The following TAGLN3 variants were observed in gnomAD, a reference collection of about 807,000 sequenced individuals.
TAGLN3 encodes transgelin 3, also known as transgelin-3.
TAGLN3 carries 12 observed loss-of-function variants against 25.4 expected under a neutral mutation model. The ratio of observed to expected loss-of-function variants is 0.47; its 90% CI spans 0.30 to 0.77. The LOEUF (loss-of-function observed/expected upper bound fraction) is 0.77, where lower values mean the gene tolerates loss of function less well. Ranked by LOEUF, TAGLN3 falls within the 30% of genes least tolerant of loss-of-function variation. The pLI is 0.06. For missense variants in TAGLN3, 218 were observed against 255.8 expected, an observed-to-expected ratio of 0.85 and a Z score of 1.01; for synonymous variants, 96 against 94.8, an observed-to-expected ratio of 1.01 and a Z score of -0.08.
At chr3:111,999,304 C>T in intron 1 of TAGLN3, 117 bp from the exon 2 acceptor site, 1 of 1,209,970 alleles carries the variant, frequency 8.3e-7, no homozygotes, top group African/African-American at 1.5e-5. Flanking sequence ...GCTTTCTGCC[C>T]TCTTTGCTGC....
chr3:111,999,346 C>G lies in TAGLN3; in HGVS notation c.-2-75C>G, dbSNP rs1035748982. The G allele has an allele frequency of 1.9e-6, 3 of 1,538,980 alleles. No individual in the cohort carries two copies. The East Asian group carries it at 6.9e-5, about 35-fold the overall frequency. On this transcript the variant is annotated intron_variant, in intron 1 of 4. Transcript: ENST00000478951. ...GCCAGGTTGCCCAGCCATATCCCAG[C>G]CCCGTCTGCAGGGAGCCGGAGGCTG... is the stretch of plus-strand genomic sequence containing the variant.
chr3:112,003,380 G>A (rs1007296903), intron 3 of TAGLN3, among the ~76,000 whole-genome samples: 3 of 152,164 alleles, frequency 2.0e-5, no homozygotes, highest in African/African-American at 7.2e-5. Flanking sequence ...AGAGGGAGGG[G>A]AAGGCTGACA....
chr3:112,004,516 C>T (rs2072895828), intron 3 of TAGLN3, among the ~76,000 whole-genome samples: 1 of 152,152 alleles, frequency 6.6e-6, no homozygotes, highest in African/African-American at 2.4e-5. Flanking sequence ...GTACAGGCTC[C>T]TGAGTCAGAA....
intron 2 of TAGLN3, among the ~76,000 whole-genome samples, chr3:112,000,248 C>G (rs938010303): frequency 6.6e-6 from 1 of 151,914 alleles, no homozygotes; most frequent in Non-Finnish European, 1.5e-5. Context: ...TTGCCCAGAG[C>G]TTGGGTTATA....
chr3:112,010,557 T>G (rs972035207), intron 3 of TAGLN3, among the ~76,000 whole-genome samples: 6 of 152,224 alleles, frequency 3.9e-5, no homozygotes, highest in African/African-American at 1.2e-4. Flanking sequence ...GTGTTTCTTC[T>G]TAGTTCTGAA....
chr3:112,000,990 C>T lies in TAGLN3; in HGVS notation c.355+44C>T, dbSNP rs368118748. 1.0e-5 allele frequency: 16 copies of T among 1,573,352 alleles called. No homozygotes were observed. In the African/African-American group the frequency reaches 1.8e-4, roughly 17 times the overall value. On this transcript the variant is annotated intron_variant, in intron 3 of 4. Transcript: ENST00000478951. ...TTTGGGATTGTTCTTTTCTTCTCTC[C>T]TTTGCCCCATCTCCTTGTAAAAACT...
At chr3:112,003,569 C>G (rs990996933) in intron 3 of TAGLN3, among the ~76,000 whole-genome samples, 1 of 152,184 alleles carries the variant, frequency 6.6e-6, no homozygotes, top group East Asian at 1.9e-4. Context: ...AGCTATTAGA[C>G]TAGCTGTTTG....
chr3:111,999,567 A>C lies in TAGLN3; in HGVS notation c.145A>C (p.Arg49=). 6.2e-7 allele frequency: 1 copy of C among 1,614,128 alleles called. No individual in the cohort carries two copies. The highest frequency in any genetic ancestry group is 8.5e-7 in the Non-Finnish European group (1 of 1,179,996). ...AEDIEHPPPG[R]AHFQKWLMDG... ...GGACATAGAGCACCCGCCCCCCGGC[A>C]GGGCCCATTTTCAGAAATGGTTAAT... Residue 49 remains arginine, a synonymous_variant, in exon 2 of 5, where the codon AGG becomes CGG. Transcript: ENST00000478951.
rs146501663 is a variant in TAGLN3 at position 112,007,351 on chromosome 3, C to T, written c.356-4412C>T. 5.3e-5 allele frequency among the ~76,000 whole-genome samples: 8 copies of T among 152,292 alleles called. No individual in the cohort carries two copies. The East Asian group carries it at 9.6e-4, about 18-fold the overall frequency. On this transcript the variant is annotated intron_variant, in intron 3 of 4. Coordinates refer to ENST00000478951, the MANE Select transcript of TAGLN3 (RefSeq NM_001008272.2). ...GTATAATGACGCATATTCATCATTG[C>T]GGTGTCATATCAAGTACTGCCCTAA...
At chr3:112,003,616 C>T (rs1228511735) in intron 3 of TAGLN3, among the ~76,000 whole-genome samples, 1 of 152,192 alleles carries the variant, frequency 6.6e-6, no homozygotes, top group Admixed American at 6.5e-5. Context: ...CTATTCTCTA[C>T]CTTGACTGTG....
In TAGLN3 at chr3:111,999,602, G is replaced by T; in HGVS notation, c.180G>T (p.Thr60=). The change falls in exon 2 of 5, where the codon ACG becomes ACT. Residue 60 remains threonine (T), a splice_region_variant and synonymous_variant. Transcript: ENST00000478951. ...TTCAGAAATGGTTAATGGACGGGAC[G>T]GTAAGGCCGGCAGCGATCTCGGTTG... ...AHFQKWLMDG[T]VLCKLINSLY... 6.2e-7 allele frequency: 1 copy of T among 1,612,508 alleles called. No individual in the cohort carries two copies. Among genetic ancestry groups the T allele is most frequent in the Non-Finnish European group, 8.5e-7 (1 of 1,178,854 alleles).
rs778714864 is a variant in TAGLN3, at chr3:112,013,422, G to A, written c.471G>A (p.Gln157=). The A allele has an allele frequency of 6.2e-7, 1 of 1,612,746 alleles. No homozygotes were observed. Among genetic ancestry groups the A allele is most frequent in the South Asian group, 1.1e-5 (1 of 91,028 alleles). The change falls in exon 5 of 5, where the codon CAG becomes CAA. Residue 157 remains glutamine (Q), a synonymous_variant. Transcript: ENST00000478951. ...EPSWFHRKAQ[Q]NRRGFSEEQL... ...TTTCCTTGTCCAGGAAAGCCCAGCA[G>A]AATCGGAGAGGCTTTTCCGAGGAGC... is the stretch of plus-strand genomic sequence containing the variant.
At chr3:112,001,211 A>G (rs986296804) in intron 3 of TAGLN3, among the ~76,000 whole-genome samples, 11 of 152,230 alleles carry the variant, frequency 7.2e-5, no homozygotes, top group Non-Finnish European at 1.3e-4. Context: ...AGAGGAAGCT[A>G]ACGGTGACAT....
At chr3:112,000,149 G>A (rs1433749667) in intron 2 of TAGLN3, among the ~76,000 whole-genome samples, 1 of 152,156 alleles carries the variant, frequency 6.6e-6, no homozygotes, top group Non-Finnish European at 1.5e-5. Context: ...GGGTTTGAGG[G>A]CCGCAGGCTC....
chr3:112,005,358 G>A (rs927756124), intron 3 of TAGLN3, among the ~76,000 whole-genome samples: 21 of 152,242 alleles, frequency 1.4e-4, no homozygotes, highest in African/African-American at 3.4e-4. Context: ...TGCATTAAAC[G>A]TATAAAATTC....
At chr3:112,013,122 T>G (rs968078294) in intron 4 of TAGLN3, among the ~76,000 whole-genome samples, 3 of 152,108 alleles carry the variant, frequency 2.0e-5, no homozygotes, top group Non-Finnish European at 2.9e-5. Context: ...TTGCTGGAAT[T>G]CTGGAAAACA....
Position 112,013,663 on chromosome 3 carries a change from T to C in TAGLN3, c.*112T>C. 6.6e-7 allele frequency: 1 copy of C among 1,522,030 alleles called. No homozygotes were observed. Among genetic ancestry groups the C allele is most frequent in the Non-Finnish European group, 8.9e-7 (1 of 1,118,176 alleles). The allele number at this position is 1,522,030 out of a possible 1,614,324, so 94.3% of individuals were successfully genotyped here. A position where few individuals can be genotyped will look rare whatever the true frequency, so the allele number is the denominator to read the frequency against. ...TTCTCCTCTTTCTCAAAGCCTTCTGTCCCTGGTTTTTGCAAGTGCTGCATT... is the reference window on the plus strand; with the variant it reads ...TTCTCCTCTTTCTCAAAGCCTTCTGCCCCTGGTTTTTGCAAGTGCTGCATT... On this transcript the variant is annotated 3_prime_UTR_variant, in exon 5 of 5. Coordinates refer to ENST00000478951, the MANE Select transcript of TAGLN3 (RefSeq NM_001008272.2).
intron 3 of TAGLN3, among the ~76,000 whole-genome samples, chr3:112,010,944 G>A (rs2072969154): frequency 6.6e-6 from 1 of 152,158 alleles, no homozygotes; most frequent in East Asian, 1.9e-4. Context: ...AACTGCAGAC[G>A]GTTCACCAGG....
rs201657854 is a variant in TAGLN3 at position 112,013,392 on chromosome 3, C to T, written c.459-18C>T. The T allele has an allele frequency of 2.6e-5, 41 of 1,604,890 alleles. No homozygotes were observed. In the African/African-American group the frequency reaches 4.6e-4, roughly 18 times the overall value. On this transcript the variant is annotated intron_variant, in intron 4 of 4. Transcript: ENST00000478951. ...AACTGTCATAATGACATTATTCCCT[C>T]TCACTTTCCTTGTCCAGGAAAGCCC...
Sources: allele counts gnomAD v4.1 joint callset (sites outside exome capture counted in the v4.1 genomes callset), GRCh38; gene constraint gnomAD v4.1.1; transcripts MANE v1.5; gene names NCBI Gene and HGNC (gene_info 2026-07-23, HGNC 2026-07-21).